ACTR3: variants seen among roughly 807,000 people sequenced by gnomAD.
ACTR3 encodes the protein actin-related protein 3.
In ACTR3, 12 loss-of-function variants were observed where a neutral mutation model predicts 56.8. The ratio of observed to expected loss-of-function variants is 0.21; its 90% CI spans 0.14 to 0.34. ACTR3 has a LOEUF of 0.34. Among genes scored for constraint, ACTR3 ranks in the 10% least tolerant of loss-of-function variants. The pLI, the probability that ACTR3 is intolerant of heterozygous loss-of-function variation, is 1.00. For missense variants in ACTR3, 282 were observed against 512.5 expected, an observed-to-expected ratio of 0.55 and a Z score of 4.34; for synonymous variants, 162 against 167.4, an observed-to-expected ratio of 0.97 and a Z score of 0.25.
intron 3 of ACTR3, among the ~76,000 whole-genome samples, chr2:113,922,648 C>T (rs1679532480): frequency 6.6e-6 from 1 of 152,120 alleles, no homozygotes; most frequent in Non-Finnish European, 1.5e-5. Context: ...GTCTTTAGCA[C>T]CCTAGTGCAA....
chr2:113,894,575 C>CT (rs1678969458), intron 1 of ACTR3, among the ~76,000 whole-genome samples: 1 of 152,054 alleles, frequency 6.6e-6, no homozygotes, highest in South Asian at 2.1e-4. Context: ...GCGAAAGACT[C>CT]TCCCTCCTTT....
At chr2:113,923,491 G>A (rs906214263) in intron 3 of ACTR3, among the ~76,000 whole-genome samples, 3 of 151,694 alleles carry the variant, frequency 2.0e-5, no homozygotes, top group Non-Finnish European at 2.9e-5. Context: ...GCCCACCACC[G>A]TGCCCGGCTA....
chr2:113,942,723 C>A (rs757758610), intron 8 of ACTR3, among the ~76,000 whole-genome samples: 101 of 151,912 alleles, frequency 6.6e-4, no homozygotes, highest in Non-Finnish European at 1.2e-3. Flanking sequence ...AGCTCCCCCC[C>A]TCCCTATTTG....
At chr2:113,891,337 A>G (rs1260122441) in intron 1 of ACTR3, among the ~76,000 whole-genome samples, 2 of 152,156 alleles carry the variant, frequency 1.3e-5, no homozygotes, top group Non-Finnish European at 2.9e-5. Flanking sequence ...TTTAAGTTGC[A>G]AATAGTTACT....
chr2:113,956,179 C>T (rs999488800), intron 11 of ACTR3, among the ~76,000 whole-genome samples: 5 of 151,936 alleles, frequency 3.3e-5, no homozygotes, highest in African/African-American at 1.2e-4. Context: ...CAGGTGTGAG[C>T]TGCTGCGCCT....
At chr2:113,918,185 C>T (rs894617029) in intron 3 of ACTR3, among the ~76,000 whole-genome samples, 2 of 152,088 alleles carry the variant, frequency 1.3e-5, no homozygotes, top group African/African-American at 4.8e-5. Flanking sequence ...ATCCTATTGG[C>T]AACATTAATG....
At chr2:113,934,064 A>C in intron 5 of ACTR3, 1 of 492,786 alleles carries the variant, frequency 2.0e-6, no homozygotes. Flanking sequence ...CCTAAAAGCA[A>C]ATGTAAACCT....
At chr2:113,939,689 A>G (rs181687413) in intron 6 of ACTR3, among the ~76,000 whole-genome samples, 9 of 152,326 alleles carry the variant, frequency 5.9e-5, no homozygotes, top group African/African-American at 1.9e-4. Context: ...TATCTAAACC[A>G]TTTGATATTT....
At chr2:113,942,162 T>C in intron 7 of ACTR3, 24 bp from the exon 8 acceptor site, 1 of 1,537,726 alleles carries the variant, frequency 6.5e-7, no homozygotes, top group Non-Finnish European at 8.7e-7. Flanking sequence ...CAAAAAAAGT[T>C]ACTTTTGTTT....
Position 113,931,399 on chromosome 2 carries a change from A to G in ACTR3, c.432+3A>G. 6.4e-7 allele frequency: 1 copy of G among 1,552,206 alleles called. No homozygotes were observed. The highest frequency in any genetic ancestry group is 8.7e-7 in the Non-Finnish European group (1 of 1,148,208). ...CAGGCTTGTACATTGCTGTGCAGGT[A>G]AGCAAGTTCATACTTTCTAAGTTTG... On this transcript the variant is annotated splice_donor_region_variant and intron_variant, in intron 5 of 11. Transcript: ENST00000263238.
At chr2:113,911,023 C>G (rs1428246744) in intron 1 of ACTR3, among the ~76,000 whole-genome samples, 1 of 152,118 alleles carries the variant, frequency 6.6e-6, no homozygotes, top group Non-Finnish European at 1.5e-5. Flanking sequence ...TTGTATTAAA[C>G]AAGTTTTTAT....
At chr2:113,915,156 G>A (rs753225215) in intron 2 of ACTR3, among the ~76,000 whole-genome samples, 6 of 152,196 alleles carry the variant, frequency 3.9e-5, no homozygotes, top group African/African-American at 9.6e-5. Flanking sequence ...GCTACCGTAC[G>A]TAACACAGTA....
chr2:113,932,224 G>A (rs1002934747), intron 5 of ACTR3, among the ~76,000 whole-genome samples: 1 of 152,162 alleles, frequency 6.6e-6, no homozygotes, highest in Non-Finnish European at 1.5e-5. Flanking sequence ...TAAATTTAAT[G>A]AACTGCCTTT....
At chr2:113,897,905 T>C (rs1312363662) in intron 1 of ACTR3, among the ~76,000 whole-genome samples, 1 of 152,088 alleles carries the variant, frequency 6.6e-6, no homozygotes, top group Non-Finnish European at 1.5e-5. Flanking sequence ...TACCTAAACG[T>C]TTTATTTTTA....
chr2:113,957,032 G>T (rs1574388476), intron 11 of ACTR3, among the ~76,000 whole-genome samples: 1 of 152,342 alleles, frequency 6.6e-6, no homozygotes. Flanking sequence ...CATTATTGGT[G>T]CAATGAAAGT....
Position 113,960,389 on chromosome 2 carries a change from CTA to C in ACTR3, c.*2936_*2937del, listed in dbSNP as rs1680304753. 1.3e-5 allele frequency: 2 copies of C among 152,058 alleles called. No homozygotes were observed. The highest frequency in any genetic ancestry group is 4.1e-4 in the South Asian group (2 of 4,820). 9.4% of individuals were successfully genotyped at this position (152,058 alleles called of 1,614,324 possible). A position where few individuals can be genotyped will look rare whatever the true frequency, so the allele number is the denominator to read the frequency against. Reference sequence around the variant, plus strand: ...ACAGCTACTTAAAAGATTAAAATAACTATTCTTGCAGATATTTCTAGGAATAT... The same window carrying C: ...ACAGCTACTTAAAAGATTAAAATAACTTCTTGCAGATATTTCTAGGAATAT... On this transcript the variant is annotated 3_prime_UTR_variant, in exon 12 of 12. Transcript: ENST00000263238.
intron 1 of ACTR3, chr2:113,904,032 T>C (rs113726161): frequency 0.025 from 3,846 of 152,192 alleles, 48 homozygotes; most frequent in South Asian, 0.037. Flanking sequence ...AATTTTATTA[T>C]TGTGTTTTTA....
chr2:113,891,083 C>A (rs1256047335), intron 1 of ACTR3, among the ~76,000 whole-genome samples: 2 of 152,134 alleles, frequency 1.3e-5, no homozygotes, highest in Non-Finnish European at 2.9e-5. Flanking sequence ...GTCTTTTATA[C>A]CCTTATAAGG....
chr2:113,936,737 G>T (rs34496519), intron 6 of ACTR3, among the ~76,000 whole-genome samples: 8,185 of 152,228 alleles, frequency 0.054, 258 homozygotes, highest in Non-Finnish European at 0.072. Flanking sequence ...TTCCTCACAG[G>T]TCTGGAGGTT....
Sources: allele counts gnomAD v4.1 joint callset (sites outside exome capture counted in the v4.1 genomes callset), GRCh38; gene constraint gnomAD v4.1.1; transcripts MANE v1.5; gene names NCBI Gene and HGNC (gene_info 2026-07-23, HGNC 2026-07-21).